The following PLPPR5 variants were observed in gnomAD, a reference collection of about 807,000 sequenced individuals.
PLPPR5 encodes phospholipid phosphatase related 5, also known as phospholipid phosphatase-related protein type 5.
PLPPR5 carries 16 observed loss-of-function variants against 33.9 expected under a neutral mutation model. The observed-to-expected ratio is 0.47, with a 90% CI of 0.32 to 0.72. PLPPR5 has a LOEUF of 0.72. Among genes scored for constraint, PLPPR5 ranks in the 30% least tolerant of loss-of-function variants. The pLI, the probability that PLPPR5 is intolerant of heterozygous loss-of-function variation, is 0.03. For missense variants in PLPPR5, 301 were observed against 406.7 expected (o/e 0.74, Z 2.23); for synonymous variants, 163 against 150.3 (o/e 1.08, Z -0.62).
chr1:98,904,554 T>G (rs1352988151), intron 5 of PLPPR5, among the ~76,000 whole-genome samples: 1 of 152,194 alleles, frequency 6.6e-6, no homozygotes, highest in East Asian at 1.9e-4. Context: ...TAAAGCCTTT[T>G]TCTCTATATT....
At chr1:98,972,867 G>A (rs1651705998) in intron 1 of PLPPR5, among the ~76,000 whole-genome samples, 1 of 152,078 alleles carries the variant, frequency 6.6e-6, no homozygotes, top group Non-Finnish European at 1.5e-5. Flanking sequence ...TTCTGGTAGG[G>A]ATGGATGCTT....
At chr1:98,959,340 G>A (rs557853513) in intron 1 of PLPPR5, among the ~76,000 whole-genome samples, 30 of 152,116 alleles carry the variant, frequency 2.0e-4, no homozygotes, top group South Asian at 6.2e-4. Flanking sequence ...TTCACCTTGC[G>A]GAATTTCCGA....
intron 1 of PLPPR5, among the ~76,000 whole-genome samples, chr1:98,984,662 TAA>T (rs1286128455): frequency 1.3e-5 from 2 of 152,188 alleles, no homozygotes; most frequent in East Asian, 3.9e-4. Flanking sequence ...ATAAAAATCT[TAA>T]GTGACTAATT....
intron 5 of PLPPR5, among the ~76,000 whole-genome samples, chr1:98,901,752 GCT>G (rs1236117569): frequency 1.3e-5 from 2 of 151,946 alleles, no homozygotes; most frequent in African/African-American, 2.4e-5. Context: ...AAGTGTTCAT[GCT>G]CTGTTTCTGC....
intron 1 of PLPPR5, among the ~76,000 whole-genome samples, chr1:98,957,366 T>G (rs1385025295): frequency 1.3e-5 from 2 of 148,974 alleles, no homozygotes; most frequent in Non-Finnish European, 3.0e-5. Flanking sequence ...AAAAGAAAAA[T>G]TATGAACAAA....
At chr1:98,906,175 G>T (rs1648890225) in intron 5 of PLPPR5, among the ~76,000 whole-genome samples, 1 of 147,612 alleles carries the variant, frequency 6.8e-6, no homozygotes, top group Non-Finnish European at 1.5e-5. Flanking sequence ...TATATATATA[G>T]TGTGTGTGTA....
chr1:98,993,810 T>G (rs1332517289), intron 1 of PLPPR5, among the ~76,000 whole-genome samples: 1 of 152,028 alleles, frequency 6.6e-6, no homozygotes, highest in Non-Finnish European at 1.5e-5. Context: ...AAATGGATAT[T>G]AGAAAGTACA....
intron 1 of PLPPR5, among the ~76,000 whole-genome samples, chr1:99,002,439 T>C (rs1464217969): frequency 2.0e-5 from 3 of 152,198 alleles, no homozygotes; most frequent in African/African-American, 7.2e-5. Flanking sequence ...ATCCGTCCTA[T>C]AGGCATACAA....
chr1:98,955,241 T>C (rs1351658306), intron 2 of PLPPR5, among the ~76,000 whole-genome samples: 1 of 152,104 alleles, frequency 6.6e-6, no homozygotes, highest in Non-Finnish European at 1.5e-5. Flanking sequence ...TAAAATCATA[T>C]AAGAAGAAGC....
chr1:98,899,534 C>T (rs1387732931), intron 5 of PLPPR5, among the ~76,000 whole-genome samples: 2 of 151,988 alleles, frequency 1.3e-5, no homozygotes, highest in Non-Finnish European at 2.9e-5. Context: ...TGGAATAATT[C>T]CAAAAAATAA....
intron 1 of PLPPR5, among the ~76,000 whole-genome samples, chr1:98,995,258 A>T (rs547249867): frequency 2.6e-5 from 4 of 152,122 alleles, no homozygotes; most frequent in Admixed American, 6.6e-5. Context: ...CAACTTAAAC[A>T]CTGAGTATAT....
intron 1 of PLPPR5, among the ~76,000 whole-genome samples, chr1:98,977,202 T>G (rs10489923): frequency 0.092 from 13,995 of 152,032 alleles, 790 homozygotes; most frequent in East Asian, 0.25. Flanking sequence ...TGTGGATGGA[T>G]TAAATAAATA....
At chr1:98,911,455 T>A (rs796338521) in intron 5 of PLPPR5, among the ~76,000 whole-genome samples, 10 of 152,188 alleles carry the variant, frequency 6.6e-5, no homozygotes, top group African/African-American at 2.4e-4. Flanking sequence ...TGAATAGAAT[T>A]TTTTTGCTTT....
rs897628561 is a variant in PLPPR5 at position 98,892,799 on chromosome 1, T to G, written c.*273A>C. On this transcript the variant is annotated 3_prime_UTR_variant, in exon 6 of 6. Transcript: ENST00000263177. ...TAAAGTGAATGTTTTATTTAAGAAT[T>G]TTGTTCATTTGGTCATCACATTTTT... The G allele has an allele frequency of 5.8e-6, 2 of 342,140 alleles. No homozygotes were observed. The highest frequency in any genetic ancestry group is 4.3e-5 in the African/African-American group (2 of 46,618). 21.2% of individuals were successfully genotyped at this position (342,140 alleles called of 1,614,324 possible). A position where few individuals can be genotyped will look rare whatever the true frequency, so the allele number is the denominator to read the frequency against.
At chr1:98,947,439 C>T (rs1295375049) in intron 3 of PLPPR5, among the ~76,000 whole-genome samples, 1 of 152,066 alleles carries the variant, frequency 6.6e-6, no homozygotes, top group African/African-American at 2.4e-5. Flanking sequence ...ATCTCTAGGT[C>T]TTTAGTCATT....
intron 5 of PLPPR5, among the ~76,000 whole-genome samples, chr1:98,893,618 CTTTTT>C (rs58092144): frequency 1.1e-5 from 1 of 90,098 alleles, no homozygotes; most frequent in African/African-American, 4.1e-5. Context: ...TTCACAGCGC[CTTTTT>C]TTTTTTTTTT....
Position 98,962,366 on chromosome 1 carries a change from C to T in PLPPR5, c.238-5625G>A, listed in dbSNP as rs139491216. Among the ~76,000 whole-genome samples, 67 of 152,238 alleles carry T rather than the reference C, an allele frequency of 4.4e-4. No homozygotes were observed. In the East Asian group the frequency reaches 0.012, roughly 28 times the overall value. ...ACTCTGTTAACAATTTTTAAGTATA[C>T]ACTACATTCTTATTAACTATAGTCA... On this transcript the variant is annotated intron_variant, in intron 1 of 5. Coordinates refer to ENST00000263177, the MANE Select transcript of PLPPR5 (RefSeq NM_001037317.2).
chr1:98,947,490 G>T (rs1293027055), intron 3 of PLPPR5, among the ~76,000 whole-genome samples: 1 of 152,202 alleles, frequency 6.6e-6, no homozygotes, highest in African/African-American at 2.4e-5. Flanking sequence ...TTTAATAGCT[G>T]TATGTGTGTA....
In PLPPR5 at chr1:99,004,652, G is replaced by C; in HGVS notation, c.20C>G (p.Ala7Gly). The C allele has an allele frequency of 6.2e-7, 1 of 1,611,446 alleles. No homozygotes were observed. Among genetic ancestry groups the C allele is most frequent in the Non-Finnish European group, 8.5e-7 (1 of 1,179,174 alleles). Reference sequence around the variant, plus strand: ...GAAATAGAGCATGCTGCTGGTGAGCGCCGCGGGCAGCAGGGGCATGCACGC... The same window carrying C: ...GAAATAGAGCATGCTGCTGGTGAGCCCCGCGGGCAGCAGGGGCATGCACGC... The part of the protein sequence containing the change: MPLLPA[A>G]LTSSMLYFQM... The change falls in exon 1 of 6, where the codon GCG becomes GGG. Residue 7 changes from alanine (A) to glycine (G), a missense_variant. By Grantham distance (60) the Ala-to-Gly change is moderately conservative. Coordinates refer to ENST00000263177, the MANE Select transcript of PLPPR5 (RefSeq NM_001037317.2).
Sources: gnomAD v4.1 joint callset for allele counts (sites outside exome capture counted in the v4.1 genomes callset) on GRCh38, gnomAD v4.1.1 for gene constraint, MANE v1.5 for transcripts, NCBI Gene and HGNC (gene_info 2026-07-23, HGNC 2026-07-21) for gene names.